EML5: variants seen among roughly 807,000 people sequenced by gnomAD.
EML5 encodes the protein echinoderm microtubule-associated protein-like 5.
A neutral mutation model predicts 250.0 loss-of-function variants in EML5; 120 were observed. The observed-to-expected ratio is 0.48, with a 90% confidence interval of 0.41 to 0.56. The LOEUF is 0.56. Ranked by LOEUF, EML5 falls within the 20% of genes least tolerant of loss-of-function variation. The probability of loss-of-function intolerance (pLI) is 0.00; values close to 1 mark genes in which losing one functional copy is unlikely to be tolerated. For synonymous variants in EML5, 771 were observed against 806.5 expected (o/e 0.96, Z 0.75); for missense variants, 2,006 against 2,437.6 (o/e 0.82, Z 3.73).
intron 2 of EML5, among the ~76,000 whole-genome samples, chr14:88,753,444 G>A (rs1247771937): frequency 6.6e-6 from 1 of 152,180 alleles, no homozygotes; most frequent in Non-Finnish European, 1.5e-5. Flanking sequence ...ATTTGTTTCT[G>A]TAAAATTGAG....
At chr14:88,710,622 A>T (rs2093389278) in intron 10 of EML5, among the ~76,000 whole-genome samples, 1 of 152,214 alleles carries the variant, frequency 6.6e-6, no homozygotes, top group South Asian at 2.1e-4. Context: ...ACTTATATTA[A>T]TCCATTAAAA....
At chr14:88,657,729 A>T (rs538978818) in intron 26 of EML5, among the ~76,000 whole-genome samples, 1 of 152,320 alleles carries the variant, frequency 6.6e-6, no homozygotes, top group East Asian at 1.9e-4. Flanking sequence ...AAATAAGTTC[A>T]ATATGACCAT....
At position 88,792,269 on chromosome 14, in the gene EML5, CT is replaced by C. The variant is rs745611414; in HGVS notation, c.197+37del. ...CCGCGGGTGCAAACTCCGGGAGCGG[CT>C]TGCAGGGTGACGGCGGCGGCCCCCG... On this transcript the variant is annotated intron_variant, in intron 1 of 43. Transcript: ENST00000554922. The surrounding 1 kb of genome is among the most constrained non-coding windows in gnomAD (Gnocchi z 6.9). 3.9e-4 allele frequency: 601 copies of C among 1,531,532 alleles called. 6 individuals carry two copies. Among genetic ancestry groups the C allele is most frequent in the Non-Finnish European group, 1.3e-4 (151 of 1,140,508 alleles). 94.9% of individuals were successfully genotyped at this position (1,531,532 alleles called of 1,614,324 possible). A position where few individuals can be genotyped will look rare whatever the true frequency, so the allele number is the denominator to read the frequency against.
intron 21 of EML5, among the ~76,000 whole-genome samples, chr14:88,667,535 C>G (rs1337541093): frequency 1.3e-5 from 2 of 152,162 alleles, no homozygotes; most frequent in African/African-American, 4.8e-5. Flanking sequence ...CATGTGGATC[C>G]TGACTAGCCA....
At chr14:88,621,011 CTCAACAGA>C in intron 38 of EML5, 85 bp from the exon 39 acceptor site, 1 of 1,474,276 alleles carries the variant, frequency 6.8e-7, no homozygotes. Context: ...CCTCAAAATG[CTCAACAGA>C]ATTCTGGCAG....
At chr14:88,682,421 C>T (rs77226675) in intron 20 of EML5, among the ~76,000 whole-genome samples, 1 of 148,166 alleles carries the variant, frequency 6.7e-6, no homozygotes, top group Non-Finnish European at 1.5e-5. Context: ...AAAAAAAAAA[C>T]GCAAGCATTT....
At chr14:88,718,071 C>T (rs1210380481) in intron 8 of EML5, among the ~76,000 whole-genome samples, 1 of 152,100 alleles carries the variant, frequency 6.6e-6, no homozygotes, top group Non-Finnish European at 1.5e-5. Flanking sequence ...AAAGAGGTAT[C>T]AAGGAAAACA....
At chr14:88,747,066 C>T (rs2094014079) in intron 2 of EML5, among the ~76,000 whole-genome samples, 1 of 151,978 alleles carries the variant, frequency 6.6e-6, no homozygotes, top group Non-Finnish European at 1.5e-5. Context: ...TGATCTATCC[C>T]TCAAAGAATT....
At position 88,615,379 on chromosome 14, in the gene EML5, C is replaced by T. The variant is rs28434294; in HGVS notation, c.*439G>A. On this transcript the variant is annotated 3_prime_UTR_variant, in exon 44 of 44. Coordinates refer to ENST00000554922, the MANE Select transcript of EML5 (RefSeq NM_183387.3). ...GACTTTCCCTTTCCTTATGGAAATGCAAGAATAAAATATTTCATTAAACAA... is the reference window on the plus strand; with the variant it reads ...GACTTTCCCTTTCCTTATGGAAATGTAAGAATAAAATATTTCATTAAACAA... 2,209 of 153,844 alleles carry T rather than the reference C, an allele frequency of 0.014. 60 individuals carry two copies. The highest frequency in any genetic ancestry group is 0.051 in the African/African-American group (2,127 of 41,572). The allele number at this position is 153,844 out of a possible 1,614,324, so 9.5% of individuals were successfully genotyped here.
chr14:88,682,414 A>G (rs2092733585), intron 20 of EML5, among the ~76,000 whole-genome samples: 1 of 152,164 alleles, frequency 6.6e-6, no homozygotes, highest in African/African-American at 2.4e-5. Flanking sequence ...CAATTAAAAA[A>G]AAAAAACGCA....
chr14:88,781,361 T>G (rs1438693532), intron 1 of EML5, among the ~76,000 whole-genome samples: 1 of 152,192 alleles, frequency 6.6e-6, no homozygotes, highest in Non-Finnish European at 1.5e-5. Flanking sequence ...ATCCTGAGAA[T>G]TTTGGTTCTC....
At chr14:88,651,154 C>CTTTTTTTTTTTTTTTTT (rs869045980) in intron 27 of EML5, among the ~76,000 whole-genome samples, 1 of 93,162 alleles carries the variant, frequency 1.1e-5, no homozygotes, top group Non-Finnish European at 2.0e-5. Context: ...TTGTCATTTT[C>CTTTTTTTTTTTTTTTTT]TTTTTTTTTT....
rs58382081 is a variant in EML5, at chr14:88,630,023, A to ATTTTT, written c.4358-2209_4358-2205dup. Among the ~76,000 whole-genome samples the ATTTTT allele has an allele frequency of 6.8e-4, 57 of 84,226 alleles. 1 individual carries two copies. Among genetic ancestry groups the ATTTTT allele is most frequent in the East Asian group, 7.3e-4 (2 of 2,740 alleles). The allele number at this position is 84,226 out of a possible 152,430, so 55.3% of individuals were successfully genotyped here. A position where few individuals can be genotyped will look rare whatever the true frequency, so the allele number is the denominator to read the frequency against. ...TTTGATGCAGTATAATAAAAACTGTATTTTTTTTTTTTTTTTTTTTTTTTG... is the reference window on the plus strand; with the variant it reads ...TTTGATGCAGTATAATAAAAACTGTATTTTTTTTTTTTTTTTTTTTTTTTTTTTTG... On this transcript the variant is annotated intron_variant, in intron 33 of 43. Transcript: ENST00000554922.
intron 7 of EML5, 86 bp downstream of exon 7, chr14:88,736,278 C>T (rs1263332610): frequency 2.4e-5 from 35 of 1,467,766 alleles, no homozygotes; most frequent in African/African-American, 2.8e-5. Context: ...GGATTACGGG[C>T]GTGAGCCACA....
At chr14:88,741,449 T>C (rs1201090861) in intron 4 of EML5, among the ~76,000 whole-genome samples, 1 of 152,118 alleles carries the variant, frequency 6.6e-6, no homozygotes, top group Non-Finnish European at 1.5e-5. Context: ...TGGGAGAAAA[T>C]AAGAAGTTAA....
At chr14:88,743,739 A>G (rs1265685069) in intron 4 of EML5, among the ~76,000 whole-genome samples, 1 of 152,102 alleles carries the variant, frequency 6.6e-6, no homozygotes, top group Admixed American at 6.5e-5. Flanking sequence ...TAAGTGAAAC[A>G]TGAAGAAACA....
intron 17 of EML5, among the ~76,000 whole-genome samples, chr14:88,693,666 AAACT>A (rs753891224): frequency 6.6e-6 from 1 of 152,186 alleles, no homozygotes; most frequent in Non-Finnish European, 1.5e-5. Flanking sequence ...TTTAAAAAAT[AAACT>A]AATTTTAGAT....
intron 33 of EML5, among the ~76,000 whole-genome samples, chr14:88,629,285 T>C (rs1165293917): frequency 6.6e-6 from 1 of 152,150 alleles, no homozygotes; most frequent in Non-Finnish European, 1.5e-5. Flanking sequence ...TTTTAAAGTT[T>C]TATTTATCTA....
In EML5 at chr14:88,744,976, A is replaced by G. The variant is rs562423621; in HGVS notation, c.457-885T>C. On this transcript the variant is annotated intron_variant, in intron 3 of 43. Coordinates refer to ENST00000554922, the MANE Select transcript of EML5 (RefSeq NM_183387.3). ...TACAGATTATATGAAAAACATATCA[A>G]TGCAACTTTGAAATATTCAACCACA... Among the ~76,000 whole-genome samples the G allele has an allele frequency of 6.6e-5, 10 of 152,212 alleles. No homozygotes were observed. The South Asian group carries it at 1.9e-3, about 28-fold the overall frequency.
Sources: gnomAD v4.1 joint callset for allele counts (sites outside exome capture counted in the v4.1 genomes callset) on GRCh38, gnomAD v4.1.1 for gene constraint, Gnocchi (gnomAD v3.1) non-coding constraint, MANE v1.5 for transcripts, NCBI Gene and HGNC (gene_info 2026-07-23, HGNC 2026-07-21) for gene names.